The following GBE1 variants were observed in gnomAD, a reference collection of about 807,000 sequenced individuals.
GBE1 encodes 1,4-alpha-glucan branching enzyme 1.
GBE1 carries 70 observed loss-of-function variants against 88.8 expected under a neutral mutation model. The ratio of observed to expected loss-of-function variants is 0.79; its 90% CI spans 0.65 to 0.96. The LOEUF (loss-of-function observed/expected upper bound fraction) is 0.96. Ranked by LOEUF, GBE1 falls within the 40% of genes least tolerant of loss-of-function variation. The pLI is 0.00. For missense variants in GBE1, 872 were observed against 871.0 expected (o/e 1.00, Z -0.01); for synonymous variants, 284 against 300.1 (o/e 0.95, Z 0.56).
intron 3 of GBE1, among the ~76,000 whole-genome samples, chr3:81,659,290 T>C (rs1315648464): frequency 6.6e-6 from 1 of 151,972 alleles, no homozygotes; most frequent in Non-Finnish European, 1.5e-5. Context: ...ATAAATTCAA[T>C]CATTTGAAGA....
intron 2 of GBE1, among the ~76,000 whole-genome samples, chr3:81,686,481 G>A (rs1454005904): frequency 6.6e-6 from 1 of 152,188 alleles, no homozygotes; most frequent in Non-Finnish European, 1.5e-5. Context: ...CACTGGCCGG[G>A]CGCAGTGACT....
chr3:81,713,856 G>A (rs772770644), intron 1 of GBE1, among the ~76,000 whole-genome samples: 4 of 152,048 alleles, frequency 2.6e-5, no homozygotes, highest in Non-Finnish European at 4.4e-5. Context: ...AGGTGACAAG[G>A]AATAGTGAAA....
intron 1 of GBE1, among the ~76,000 whole-genome samples, chr3:81,738,314 TGAG>T (rs1248149495): frequency 6.6e-6 from 1 of 151,070 alleles, no homozygotes; most frequent in Non-Finnish European, 1.5e-5. Context: ...TCTAGATCCC[TGAG>T]GAATCGCCAC....
At chr3:81,574,840 A>C (rs975929176) in intron 12 of GBE1, among the ~76,000 whole-genome samples, 4 of 152,198 alleles carry the variant, frequency 2.6e-5, no homozygotes, top group African/African-American at 9.6e-5. Flanking sequence ...TGGAATGTTC[A>C]TTTAGATAAT....
rs1202654891 is a variant in GBE1, at chr3:81,750,626, TATAC to T, written c.143+10745_143+10748del. On this transcript the variant is annotated intron_variant, in intron 1 of 15. Coordinates refer to ENST00000429644, the MANE Select transcript of GBE1 (RefSeq NM_000158.4). ...GTGTATATATATATATGTATATATA[TATAC>T]GTATATATATATATGTATATATATA... 3.9e-4 allele frequency among the ~76,000 whole-genome samples: 25 copies of T among 63,812 alleles called. 2 individuals carry two copies. The highest frequency in any genetic ancestry group is 1.9e-3 in the African/African-American group (18 of 9,344). 41.9% of individuals were successfully genotyped at this position (63,812 alleles called of 152,430 possible). A position where few individuals can be genotyped will look rare whatever the true frequency, so the allele number is the denominator to read the frequency against.
intron 1 of GBE1, 79 bp downstream of exon 1, chr3:81,761,296 A>G: frequency 6.6e-7 from 1 of 1,504,060 alleles, no homozygotes; most frequent in Non-Finnish European, 8.9e-7. Context: ...GCGAGGGCCG[A>G]GGGGCGGCCC....
intron 2 of GBE1, among the ~76,000 whole-genome samples, chr3:81,688,161 C>T (rs1307040068): frequency 6.6e-6 from 1 of 152,242 alleles, no homozygotes; most frequent in East Asian, 1.9e-4. Context: ...CTCCGCACTA[C>T]AGTGGATATA....
chr3:81,524,968 A>T (rs1364689159), intron 14 of GBE1, among the ~76,000 whole-genome samples: 1 of 151,714 alleles, frequency 6.6e-6, no homozygotes, highest in East Asian at 1.9e-4. Context: ...TTTGATAGGG[A>T]TTCTTAATTT....
At position 81,702,130 on chromosome 3, in the gene GBE1, T is replaced by A. The variant is rs1324763415; in HGVS notation, c.313+3314A>T. 6.4e-4 allele frequency among the ~76,000 whole-genome samples: 95 copies of A among 148,426 alleles called. 1 individual carries two copies. The highest frequency in any genetic ancestry group is 4.0e-3 in the East Asian group (20 of 5,058). On this transcript the variant is annotated intron_variant, in intron 2 of 15. Coordinates refer to ENST00000429644, the MANE Select transcript of GBE1 (RefSeq NM_000158.4). ...GTGTGTGTGTGTGTGTGTGTGTGTG[T>A]GTGTGTGTGTGTGTGTGTGTGTGTG...
rs189054705 is a variant in GBE1 at position 81,583,573 on chromosome 3, G to A, written c.1336-2298C>T. On this transcript the variant is annotated intron_variant, in intron 10 of 15. Transcript: ENST00000429644. ...TGTTGATATATGCAACAAGAATGCTGGATATAACAACATTGGAGGTTTTCT... is the reference window on the plus strand; with the variant it reads ...TGTTGATATATGCAACAAGAATGCTAGATATAACAACATTGGAGGTTTTCT... Among the ~76,000 whole-genome samples, 469 of 152,038 alleles carry A rather than the reference G, an allele frequency of 3.1e-3. 2 individuals are homozygous for A. The highest frequency in any genetic ancestry group is 0.017 in the Middle Eastern group (5 of 294).
intron 1 of GBE1, chr3:81,743,445 C>T (rs906311543): frequency 2.0e-5 from 14 of 710,956 alleles, no homozygotes; most frequent in African/African-American, 3.5e-5. Flanking sequence ...CACACATACA[C>T]CCCCACAATA....
chr3:81,581,210 C>G lies in GBE1; in HGVS notation c.1401G>C (p.Arg467Ser). ...MGDIVYTLTNRRYLEKCIAYA... is the reference protein window; with the variant it reads ...MGDIVYTLTNSRYLEKCIAYA... The stretch of plus-strand genomic sequence containing the variant: ...AAGCAATGCACTTTTCAAGGTAGCG[C>G]CTGTTTGTGAGCGTGTATACTATAT... The change falls in exon 11 of 16, where the codon AGG becomes AGC. Residue 467 changes from arginine to serine, a missense_variant. Physicochemically the swap from Arg to Ser is moderately radical, Grantham distance 110 (BLOSUM62 -1). Coordinates refer to ENST00000429644, the MANE Select transcript of GBE1 (RefSeq NM_000158.4). 1 of 1,606,130 alleles carries G rather than the reference C, an allele frequency of 6.2e-7. No individual in the cohort carries two copies. Among genetic ancestry groups the G allele is most frequent in the Non-Finnish European group, 8.5e-7 (1 of 1,176,684 alleles).
chr3:81,582,704 A>C (rs1703750780), intron 10 of GBE1, among the ~76,000 whole-genome samples: 1 of 152,110 alleles, frequency 6.6e-6, no homozygotes, highest in Admixed American at 6.6e-5. Context: ...GAGAACGATA[A>C]AGAACCTTGA....
intron 1 of GBE1, among the ~76,000 whole-genome samples, chr3:81,706,109 C>T (rs961754758): frequency 1.3e-5 from 2 of 152,150 alleles, no homozygotes; most frequent in African/African-American, 4.8e-5. Flanking sequence ...GTCACAGCTA[C>T]TCGAGGGTGT....
At chr3:81,492,297 G>C (rs200813252) in intron 15 of GBE1, among the ~76,000 whole-genome samples, 1 of 152,058 alleles carries the variant, frequency 6.6e-6, no homozygotes, top group East Asian at 1.9e-4. Context: ...TCCTTTCCAT[G>C]CAATGTTTTC....
intron 1 of GBE1, among the ~76,000 whole-genome samples, chr3:81,734,549 C>T (rs1266393611): frequency 6.6e-6 from 1 of 152,114 alleles, no homozygotes; most frequent in East Asian, 1.9e-4. Flanking sequence ...ACTAAACCAC[C>T]TACTTGCTAC....
At chr3:81,754,496 T>C (rs1266730350) in intron 1 of GBE1, among the ~76,000 whole-genome samples, 1 of 105,540 alleles carries the variant, frequency 9.5e-6, no homozygotes, top group Non-Finnish European at 2.0e-5. Context: ...AGACCCCAAA[T>C]AGCCAAATAA....
chr3:81,731,958 A>G (rs1256983005), intron 1 of GBE1, among the ~76,000 whole-genome samples: 3 of 152,144 alleles, frequency 2.0e-5, no homozygotes, highest in African/African-American at 7.2e-5. Flanking sequence ...TTAATTCCCA[A>G]AAAAACACTA....
At chr3:81,635,957 T>C (rs1704586704) in intron 7 of GBE1, among the ~76,000 whole-genome samples, 1 of 152,138 alleles carries the variant, frequency 6.6e-6, no homozygotes, top group South Asian at 2.1e-4. Context: ...TTTCAAAATA[T>C]CCCTGTGCTC....
Sources: allele counts gnomAD v4.1 joint callset (sites outside exome capture counted in the v4.1 genomes callset), GRCh38; gene constraint gnomAD v4.1.1; transcripts MANE v1.5; gene names NCBI Gene and HGNC (gene_info 2026-07-23, HGNC 2026-07-21).